ARB2A: variants seen among roughly 807,000 people sequenced by gnomAD.
The protein encoded by ARB2A is cotranscriptional regulator ARB2A.
chr5:93,869,625 AAAG>A, the ARB2A span, among the ~76,000 whole-genome samples: 1 of 152,306 alleles, frequency 6.6e-6, no homozygotes, highest in Admixed American at 6.5e-5. Context: ...AAGATCCACA[AAAG>A]AAGTGAAAAT....
the ARB2A span, chr5:93,881,339 AGAC>A: frequency 3.1e-6 from 2 of 644,856 alleles, no homozygotes; most frequent in African/African-American, 1.9e-5. Context: ...TAATCCAAGT[AGAC>A]GACTATGGGA....
the ARB2A span, among the ~76,000 whole-genome samples, chr5:93,912,928 A>G: frequency 2.0e-5 from 3 of 152,034 alleles, no homozygotes; most frequent in East Asian, 5.8e-4. Context: ...AATTTAGCAT[A>G]CATATTACTT....
chr5:94,034,314 G>A, the ARB2A span, among the ~76,000 whole-genome samples: 1 of 152,144 alleles, frequency 6.6e-6, no homozygotes, highest in Non-Finnish European at 1.5e-5. Flanking sequence ...AGCAGGAAAT[G>A]GAAATTTTTG....
chr5:94,058,025 G>A, the ARB2A span, among the ~76,000 whole-genome samples: 2 of 151,562 alleles, frequency 1.3e-5, no homozygotes, highest in African/African-American at 4.8e-5. Context: ...ATACACATAG[G>A]AGAAAAAAAA....
the ARB2A span, among the ~76,000 whole-genome samples, chr5:93,964,173 A>T: frequency 6.6e-6 from 1 of 152,050 alleles, no homozygotes; most frequent in Non-Finnish European, 1.5e-5. Flanking sequence ...GAAATGAGAA[A>T]GGGTACAGGT....
At chr5:93,906,998 T>C in the ARB2A span, among the ~76,000 whole-genome samples, 2 of 151,554 alleles carry the variant, frequency 1.3e-5, no homozygotes, top group Non-Finnish European at 3.0e-5. Flanking sequence ...ACTCTCTTGC[T>C]GTCTACGTAT....
At chr5:93,998,597 A>G in the ARB2A span, among the ~76,000 whole-genome samples, 1 of 152,128 alleles carries the variant, frequency 6.6e-6, no homozygotes, top group Admixed American at 6.6e-5. Flanking sequence ...ACATTGGCTC[A>G]GAGCAACATA....
the ARB2A span, among the ~76,000 whole-genome samples, chr5:93,766,225 A>G: frequency 1.3e-5 from 2 of 152,190 alleles, no homozygotes; most frequent in Non-Finnish European, 2.9e-5. Context: ...GCACAGCAAA[A>G]GAAACTACCA....
chr5:94,066,604 T>A, the ARB2A span, among the ~76,000 whole-genome samples: 1 of 152,112 alleles, frequency 6.6e-6, no homozygotes, highest in Non-Finnish European at 1.5e-5. Context: ...AATAAATTCC[T>A]GGACAAATAA....
the ARB2A span, among the ~76,000 whole-genome samples, chr5:94,038,133 T>G: frequency 6.6e-6 from 1 of 152,114 alleles, no homozygotes; most frequent in South Asian, 2.1e-4. Flanking sequence ...GAATCTTTCA[T>G]TATAATGTCT....
chr5:93,695,512 G>A, the ARB2A span, among the ~76,000 whole-genome samples: 7 of 152,070 alleles, frequency 4.6e-5, no homozygotes, highest in Admixed American at 6.5e-5. Flanking sequence ...TTAGAATGGC[G>A]ATCATTAAAA....
chr5:93,640,161 A>G, the ARB2A span, among the ~76,000 whole-genome samples: 3 of 151,674 alleles, frequency 2.0e-5, no homozygotes, highest in African/African-American at 4.8e-5. Flanking sequence ...ATTGTTTGCA[A>G]TTGGCCAGGT....
At chr5:93,721,467 A>AT in the ARB2A span, among the ~76,000 whole-genome samples, 8 of 152,192 alleles carry the variant, frequency 5.3e-5, no homozygotes, top group Non-Finnish European at 1.2e-4. Context: ...AAGTTTTTAA[A>AT]TTATTGATGC....
At chr5:93,957,259 G>C in the ARB2A span, among the ~76,000 whole-genome samples, 8 of 152,156 alleles carry the variant, frequency 5.3e-5, no homozygotes, top group Non-Finnish European at 7.4e-5. Context: ...GAAAGGCTTA[G>C]GTGATCTATA....
chr5:93,950,217 G>T, the ARB2A span, among the ~76,000 whole-genome samples: 1 of 152,006 alleles, frequency 6.6e-6, no homozygotes, highest in East Asian at 1.9e-4. Context: ...CCATCCTTTC[G>T]GGTATATACC....
At chr5:93,875,157 A>C in the ARB2A span, among the ~76,000 whole-genome samples, 1 of 151,958 alleles carries the variant, frequency 6.6e-6, no homozygotes, top group South Asian at 2.1e-4. Flanking sequence ...TCAGACAAAA[A>C]CTCAAGTGCA....
the ARB2A span, among the ~76,000 whole-genome samples, chr5:93,985,763 C>T: frequency 6.6e-6 from 1 of 152,176 alleles, no homozygotes; most frequent in Non-Finnish European, 1.5e-5. Flanking sequence ...GGCGTGATCT[C>T]GGCTGGCTAC....
the ARB2A span, chr5:94,074,753 A>G: frequency 6.2e-7 from 1 of 1,607,130 alleles, no homozygotes; most frequent in Non-Finnish European, 8.5e-7. Flanking sequence ...AATAGACATC[A>G]ATCTTCAGAA....
At chr5:94,023,548 C>T in the ARB2A span, among the ~76,000 whole-genome samples, 4 of 152,180 alleles carry the variant, frequency 2.6e-5, no homozygotes, top group Non-Finnish European at 4.4e-5. Context: ...TGCTTTGGAA[C>T]CTGATGTGGT....
Sources: gnomAD v4.1 joint callset for allele counts (sites outside exome capture counted in the v4.1 genomes callset) on GRCh38, gnomAD v4.1.1 for gene constraint, MANE v1.5 for transcripts, NCBI Gene and HGNC (gene_info 2026-07-23, HGNC 2026-07-21) for gene names.